Variants in SEMA3E observed in about 807,000 individuals in gnomAD.
SEMA3E encodes semaphorin-3E.
Under a neutral mutation model 93.6 loss-of-function variants are expected in SEMA3E, and 49 were observed. The observed-to-expected ratio is 0.52, with a 90% CI of 0.42 to 0.66. SEMA3E has a LOEUF of 0.66. Among genes scored for constraint, SEMA3E ranks in the 30% least tolerant of loss-of-function variants. SEMA3E has a pLI of 0.00. For synonymous variants in SEMA3E, 363 were observed against 330.7 expected (o/e 1.10, Z -1.06); for missense variants, 906 against 964.8 (o/e 0.94, Z 0.81).
rs1245804800 is a variant in SEMA3E at position 83,392,701 on chromosome 7, A to G, written c.1521T>C (p.Ser507=). 9 of 1,613,946 alleles carry G rather than the reference A, an allele frequency of 5.6e-6. No homozygotes were observed. The highest frequency in any genetic ancestry group is 7.6e-6 in the Non-Finnish European group (9 of 1,179,872). ...ATCTGACTTGAGCCACAGCAGAAGC[A>G]GATCCAATATACAGCTGTTGCTACA... ...SSKRQQLYIG[S]ASAVAQVRFH... The change falls in exon 14 of 17, where the codon TCT becomes TCC. Residue 507 remains serine (S), a synonymous_variant. Transcript: ENST00000643230.
chr7:83,482,564 C>CAAAAAAAAAAAAAAAAAAAAAA (rs11429680), intron 2 of SEMA3E, among the ~76,000 whole-genome samples: 1 of 80,236 alleles, frequency 1.2e-5, no homozygotes, highest in African/African-American at 5.8e-5. Flanking sequence ...CACTCCGTCT[C>CAAAAAAAAAAAAAAAAAAAAAA]AAAAAAAAAA....
At chr7:83,600,539 G>A (rs1461838451) in intron 1 of SEMA3E, among the ~76,000 whole-genome samples, 2 of 125,498 alleles carry the variant, frequency 1.6e-5, no homozygotes, top group Admixed American at 9.7e-5. Context: ...AGTAGAGACG[G>A]GGTTTCACCG....
rs73708085 is a variant in SEMA3E, at chr7:83,554,353, A to G, written c.116-64079T>C. The stretch of plus-strand genomic sequence containing the variant: ...GTAAGCAATGGAAAAATGAGTCCTC[A>G]TAGAAAAGTTGAAACCAAATGACTT... On this transcript the variant is annotated intron_variant, in intron 1 of 16. Transcript: ENST00000643230. Among the ~76,000 whole-genome samples the G allele has an allele frequency of 1.6e-3, 248 of 152,304 alleles. 1 individual carries two copies. The highest frequency in any genetic ancestry group is 5.5e-3 in the African/African-American group (227 of 41,572).
At chr7:83,445,427 T>C (rs1789205267) in intron 4 of SEMA3E, among the ~76,000 whole-genome samples, 1 of 151,900 alleles carries the variant, frequency 6.6e-6, no homozygotes, top group South Asian at 2.1e-4. Context: ...TCATCAAGAG[T>C]ATAGGTGGGG....
intron 1 of SEMA3E, among the ~76,000 whole-genome samples, chr7:83,629,809 A>C (rs2115667590): frequency 6.6e-6 from 1 of 152,128 alleles, no homozygotes; most frequent in Non-Finnish European, 1.5e-5. Context: ...GATCTGCCTC[A>C]CTGGCGTTCC....
In SEMA3E at chr7:83,416,290, G is replaced by A. The variant is rs1015382604; in HGVS notation, c.550+2100C>T. On this transcript the variant is annotated intron_variant, in intron 5 of 16. Transcript: ENST00000643230. Reference sequence around the variant, plus strand: ...GATTTGATTTCTCTTCGAAATAAGCGAAACAGCCACCCAGATGGCAAGCAC... The same window carrying A: ...GATTTGATTTCTCTTCGAAATAAGCAAAACAGCCACCCAGATGGCAAGCAC... 2.6e-4 allele frequency among the ~76,000 whole-genome samples: 39 copies of A among 152,142 alleles called. No homozygotes were observed. In the East Asian group the frequency reaches 6.8e-3, roughly 26 times the overall value.
intron 16 of SEMA3E, among the ~76,000 whole-genome samples, chr7:83,368,270 C>G (rs913997499): frequency 6.7e-6 from 1 of 150,146 alleles, no homozygotes; most frequent in African/African-American, 2.5e-5. Context: ...GTGGTCACTT[C>G]ATATCAATGA....
chr7:83,600,207 T>A (rs2115978187), intron 1 of SEMA3E, among the ~76,000 whole-genome samples: 1 of 152,346 alleles, frequency 6.6e-6, no homozygotes, highest in Middle Eastern at 3.4e-3. Context: ...ATGGCTCCTT[T>A]GCTCTCATCT....
chr7:83,443,134 T>C (rs1789153663), intron 4 of SEMA3E, among the ~76,000 whole-genome samples: 1 of 152,202 alleles, frequency 6.6e-6, no homozygotes. Context: ...AGACGTCCAG[T>C]TACTGCCCAT....
At chr7:83,566,858 G>A (rs1792170800) in intron 1 of SEMA3E, among the ~76,000 whole-genome samples, 1 of 152,088 alleles carries the variant, frequency 6.6e-6, no homozygotes, top group Non-Finnish European at 1.5e-5. Flanking sequence ...AAGAGAGAAA[G>A]AAGGAACAAA....
intron 16 of SEMA3E, among the ~76,000 whole-genome samples, chr7:83,375,127 G>T (rs902746659): frequency 4.0e-5 from 6 of 151,576 alleles, no homozygotes; most frequent in Admixed American, 1.3e-4. Context: ...AAAGAATGAA[G>T]GTAAAGACAA....
At chr7:83,499,228 T>C (rs1261150540) in intron 1 of SEMA3E, among the ~76,000 whole-genome samples, 8 of 152,192 alleles carry the variant, frequency 5.3e-5, no homozygotes, top group Non-Finnish European at 1.2e-4. Context: ...TGTGCAAATA[T>C]ATTGGTAAGA....
chr7:83,537,298 A>G (rs189950002), intron 1 of SEMA3E, among the ~76,000 whole-genome samples: 30 of 152,284 alleles, frequency 2.0e-4, no homozygotes, highest in Admixed American at 1.4e-3. Flanking sequence ...TATTTAAACA[A>G]TTTTTTAATA....
chr7:83,627,025 T>C (rs1256690123), intron 1 of SEMA3E, among the ~76,000 whole-genome samples: 2 of 152,222 alleles, frequency 1.3e-5, no homozygotes, highest in Non-Finnish European at 2.9e-5. Context: ...TTTGAGTGAT[T>C]TTCTTAATCC....
intron 1 of SEMA3E, among the ~76,000 whole-genome samples, chr7:83,588,378 T>G (rs1562844693): frequency 1.4e-5 from 2 of 144,478 alleles, no homozygotes; most frequent in African/African-American, 5.1e-5. Context: ...AGACTCTGTC[T>G]AAAAAAAAAA....
At chr7:83,514,369 A>T (rs1790885536) in intron 1 of SEMA3E, among the ~76,000 whole-genome samples, 2 of 152,078 alleles carry the variant, frequency 1.3e-5, no homozygotes, top group South Asian at 4.1e-4. Flanking sequence ...CGTGAGATCC[A>T]AGAGCAAAGG....
At chr7:83,455,713 G>T (rs1346975943) in intron 4 of SEMA3E, among the ~76,000 whole-genome samples, 1 of 152,186 alleles carries the variant, frequency 6.6e-6, no homozygotes, top group Non-Finnish European at 1.5e-5. Context: ...TTAGTAAACT[G>T]AACAGAAAGA....
intron 1 of SEMA3E, among the ~76,000 whole-genome samples, chr7:83,491,810 G>A (rs1790389659): frequency 6.6e-6 from 1 of 151,890 alleles, no homozygotes; most frequent in East Asian, 1.9e-4. Flanking sequence ...TACTTGGGAA[G>A]GAAAAGAAAA....
At chr7:83,617,332 A>G (rs1793390894) in intron 1 of SEMA3E, among the ~76,000 whole-genome samples, 1 of 150,174 alleles carries the variant, frequency 6.7e-6, no homozygotes, top group Admixed American at 6.7e-5. Flanking sequence ...GGTGAAACTA[A>G]CCCCACCAAA....
Sources: allele counts gnomAD v4.1 joint callset (sites outside exome capture counted in the v4.1 genomes callset), GRCh38; gene constraint gnomAD v4.1.1; transcripts MANE v1.5; gene names NCBI Gene and HGNC (gene_info 2026-07-23, HGNC 2026-07-21).